Variants in EPHA7 observed in about 807,000 individuals in gnomAD.
EPHA7 encodes the protein ephrin type-A receptor 7.
In EPHA7, 25 loss-of-function variants were observed where a neutral mutation model predicts 112.6. The observed-to-expected ratio is 0.22, with a 90% CI of 0.16 to 0.31. The LOEUF is 0.31. Ranked by LOEUF, EPHA7 falls within the 10% of genes least tolerant of loss-of-function variation. The pLI, the probability that EPHA7 is intolerant of heterozygous loss-of-function variation, is 1.00. For missense variants in EPHA7, 962 were observed against 1,212.6 expected, an observed-to-expected ratio of 0.79 and a Z score of 3.07; for synonymous variants, 437 against 406.5, an observed-to-expected ratio of 1.07 and a Z score of -0.90.
chr6:93,259,591 A>T, intron 9 of EPHA7, 112 bp from the exon 10 acceptor site: 1 of 1,280,340 alleles, frequency 7.8e-7, no homozygotes, highest in Non-Finnish European at 1.1e-6. Context: ...TTGCTTCCAC[A>T]TCACCTGATT....
chr6:93,261,619 C>T (rs2127863784), intron 9 of EPHA7, among the ~76,000 whole-genome samples: 1 of 151,498 alleles, frequency 6.6e-6, no homozygotes, highest in Non-Finnish European at 1.5e-5. Flanking sequence ...AAAATACTGA[C>T]ATTATTTCTG....
intron 3 of EPHA7, among the ~76,000 whole-genome samples, chr6:93,361,950 C>T (rs1776281915): frequency 6.6e-6 from 1 of 151,890 alleles, no homozygotes; most frequent in Non-Finnish European, 1.5e-5. Context: ...TGAACATTCA[C>T]TATATTGATA....
chr6:93,293,228 ATCATTTAATCTT>A (rs1257905532), intron 5 of EPHA7, among the ~76,000 whole-genome samples: 1 of 151,758 alleles, frequency 6.6e-6, no homozygotes, highest in African/African-American at 2.4e-5. Flanking sequence ...TATTCAATCT[ATCATTTAATCTT>A]ATTTAGGTAT....
At chr6:93,309,783 G>A (rs1330836627) in intron 5 of EPHA7, among the ~76,000 whole-genome samples, 1 of 152,038 alleles carries the variant, frequency 6.6e-6, no homozygotes, top group Non-Finnish European at 1.5e-5. Context: ...GCAAGTAAAA[G>A]CATTAACATA....
At chr6:93,386,710 T>C (rs76400071) in intron 3 of EPHA7, among the ~76,000 whole-genome samples, 399 of 150,130 alleles carry the variant, frequency 2.7e-3, no homozygotes, top group African/African-American at 9.5e-3. Flanking sequence ...TCTGGGTGAT[T>C]CCATGCATCA....
At chr6:93,308,425 C>A (rs908460496) in intron 5 of EPHA7, among the ~76,000 whole-genome samples, 5 of 151,894 alleles carry the variant, frequency 3.3e-5, no homozygotes, top group African/African-American at 1.2e-4. Context: ...GATCTAAAAG[C>A]CATTAGGAAT....
intron 13 of EPHA7, among the ~76,000 whole-genome samples, chr6:93,255,189 C>CA (rs11478248): frequency 8.6e-5 from 13 of 151,298 alleles, no homozygotes; most frequent in African/African-American, 1.5e-4. Context: ...ACTAAAAATA[C>CA]AAAAAAAAAT....
chr6:93,393,980 T>G (rs1472498488), intron 3 of EPHA7, among the ~76,000 whole-genome samples: 1 of 151,778 alleles, frequency 6.6e-6, no homozygotes, highest in Non-Finnish European at 1.5e-5. Context: ...ACTGTGTAGA[T>G]CACTTATACA....
chr6:93,360,195 G>A (rs1420020806), intron 3 of EPHA7, among the ~76,000 whole-genome samples: 2 of 151,886 alleles, frequency 1.3e-5, no homozygotes, highest in Non-Finnish European at 2.9e-5. Flanking sequence ...CTAAATATAT[G>A]ATCTTGTCAC....
At chr6:93,257,028 A>T (rs1770470786) in intron 12 of EPHA7, among the ~76,000 whole-genome samples, 1 of 152,096 alleles carries the variant, frequency 6.6e-6, no homozygotes, top group Non-Finnish European at 1.5e-5. Context: ...GTTAATAGTC[A>T]TACATTTTAT....
intron 5 of EPHA7, among the ~76,000 whole-genome samples, chr6:93,343,127 T>C (rs895652314): frequency 4.0e-5 from 6 of 151,712 alleles, no homozygotes; most frequent in Non-Finnish European, 3.0e-5. Flanking sequence ...TCCAAAACTT[T>C]ATACTTTTTA....
At chr6:93,266,216 T>C (rs908489702) in intron 7 of EPHA7, among the ~76,000 whole-genome samples, 1 of 151,732 alleles carries the variant, frequency 6.6e-6, no homozygotes, top group Admixed American at 6.6e-5. Flanking sequence ...TGTTTTTTAA[T>C]GTACATTTTA....
At chr6:93,341,870 T>C (rs1426805434) in intron 5 of EPHA7, among the ~76,000 whole-genome samples, 1 of 151,922 alleles carries the variant, frequency 6.6e-6, no homozygotes, top group East Asian at 1.9e-4. Flanking sequence ...TATGGAAGTA[T>C]ATTTGTGATG....
rs753621830 is a variant in EPHA7, at chr6:93,264,660, G to A, written c.1676C>T (p.Ala559Val). 6.2e-7 allele frequency: 1 copy of A among 1,607,444 alleles called. No individual in the cohort carries two copies. Among genetic ancestry groups the A allele is most frequent in the East Asian group, 2.2e-5 (1 of 44,568 alleles). Residue 559 changes from alanine (A) to valine (V), a missense_variant, in exon 8 of 17, where the codon GCT (alanine) becomes GTT (valine). Around this residue, in one of 3 missense-constraint regions of EPHA7, gnomAD observed 746 missense variants for 889.2 expected, o/e 0.84. Transcript: ENST00000369303. ...SSEQNPVIII[A>V]VVAVAGTIIL... is the part of the protein sequence containing the mutation. ...GATGGTCCCAGCTACAGCAACCACAGCAATGATAATAACAGGATTCTGTTC... is the reference window on the plus strand; with the variant it reads ...GATGGTCCCAGCTACAGCAACCACAACAATGATAATAACAGGATTCTGTTC...
intron 5 of EPHA7, among the ~76,000 whole-genome samples, chr6:93,329,383 C>A (rs979894021): frequency 2.0e-5 from 3 of 151,190 alleles, no homozygotes; most frequent in African/African-American, 7.3e-5. Flanking sequence ...AGTATATAAG[C>A]CAGATTATAA....
At chr6:93,325,183 A>T (rs1774257650) in intron 5 of EPHA7, among the ~76,000 whole-genome samples, 1 of 151,424 alleles carries the variant, frequency 6.6e-6, no homozygotes, top group Non-Finnish European at 1.5e-5. Context: ...AAAATAAGCT[A>T]TAGCTCAATT....
intron 5 of EPHA7, among the ~76,000 whole-genome samples, chr6:93,333,630 T>C (rs1385442341): frequency 6.6e-6 from 1 of 151,932 alleles, no homozygotes; most frequent in Non-Finnish European, 1.5e-5. Flanking sequence ...TGATTAGTGA[T>C]GTTGAGCATT....
At chr6:93,383,221 A>G (rs1777430796) in intron 3 of EPHA7, among the ~76,000 whole-genome samples, 1 of 151,570 alleles carries the variant, frequency 6.6e-6, no homozygotes, top group Admixed American at 6.6e-5. Flanking sequence ...ATACATACAC[A>G]TATACATATA....
chr6:93,324,755 CTA>C (rs2127890602), intron 5 of EPHA7, among the ~76,000 whole-genome samples: 1 of 151,504 alleles, frequency 6.6e-6, no homozygotes, highest in South Asian at 2.1e-4. Context: ...CAAATATTCA[CTA>C]TTTATCACCA....
Sources: allele counts gnomAD v4.1 joint callset (sites outside exome capture counted in the v4.1 genomes callset), GRCh38; gene constraint gnomAD v4.1.1; regional missense constraint gnomAD v4.1.1; transcripts MANE v1.5; gene names NCBI Gene and HGNC (gene_info 2026-07-23, HGNC 2026-07-21).